The following EFCAB6 variants were observed in gnomAD, a reference collection of about 807,000 sequenced individuals.
EFCAB6 encodes the protein EF-hand calcium binding domain 6.
EFCAB6 carries 156 observed loss-of-function variants against 169.8 expected under a neutral mutation model. The ratio of observed to expected loss-of-function variants is 0.92; its 90% confidence interval spans 0.81 to 1.05. The LOEUF is 1.05. Among genes scored for constraint, EFCAB6 ranks in the 50% least tolerant of loss-of-function variants. EFCAB6 has a pLI of 0.00. For synonymous variants in EFCAB6, 698 were observed against 676.4 expected, an observed-to-expected ratio of 1.03 and a Z score of -0.50; for missense variants, 1,800 against 1,829.1, an observed-to-expected ratio of 0.98 and a Z score of 0.29.
Position 43,600,164 on chromosome 22 carries a change from A to G in EFCAB6, c.2781T>C (p.Asp927=), listed in dbSNP as rs2052385585. Residue 927 remains aspartate, a synonymous_variant, in exon 23 of 32, where the codon GAT becomes GAC. Transcript: ENST00000262726. ...SPAVHRPCAE[D]YFNFMGHFTK... ...TAAAATGACCCATGAAGTTGAAATA[A>G]TCCTCTGCACAGGGCCGATGGACAG... 3 of 1,613,984 alleles carry G rather than the reference A, an allele frequency of 1.9e-6. No individual in the cohort carries two copies. The highest frequency in any genetic ancestry group is 2.7e-5 in the African/African-American group (2 of 74,884).
rs116127030 is a variant in EFCAB6, at chr22:43,591,693, C to T, written c.2877-1464G>A. Among the ~76,000 whole-genome samples the T allele has an allele frequency of 9.0e-3, 1,365 of 152,274 alleles. 10 individuals carry two copies. The highest frequency in any genetic ancestry group is 0.037 in the Middle Eastern group (11 of 294). On this transcript the variant is annotated intron_variant, in intron 23 of 31. Coordinates refer to ENST00000262726, the MANE Select transcript of EFCAB6 (RefSeq NM_022785.4). ...ACACTCACAGTGAGGGAGACAGAGA[C>T]AGCATCTTTCTGTCGCTCCCAGCTT...
intron 21 of EFCAB6, among the ~76,000 whole-genome samples, chr22:43,614,357 C>A (rs1358582552): frequency 6.6e-6 from 1 of 151,984 alleles, no homozygotes; most frequent in Non-Finnish European, 1.5e-5. Context: ...GACAAAGGGG[C>A]AAAGGCAACT....
intron 27 of EFCAB6, among the ~76,000 whole-genome samples, chr22:43,544,361 C>T (rs552662206): frequency 1.5e-3 from 229 of 152,340 alleles, no homozygotes; most frequent in Non-Finnish European, 2.5e-3. Context: ...CACCCCTCCT[C>T]GTGTCTCTGG....
chr22:43,584,276 C>T (rs576448382), intron 24 of EFCAB6, among the ~76,000 whole-genome samples: 34 of 152,294 alleles, frequency 2.2e-4, no homozygotes, highest in African/African-American at 7.9e-4. Context: ...GAGACAGGCA[C>T]ATGCAGAGAA....
intron 10 of EFCAB6, among the ~76,000 whole-genome samples, chr22:43,702,007 TG>T (rs35286719): frequency 6.6e-6 from 1 of 151,862 alleles, no homozygotes; most frequent in South Asian, 2.1e-4. Flanking sequence ...AATTAACCAA[TG>T]GGGGGGATGT....
chr22:43,553,214 T>C (rs2048488576), intron 27 of EFCAB6: 1 of 152,170 alleles, frequency 6.6e-6, no homozygotes, highest in African/African-American at 2.4e-5. Context: ...TGGCCCAGTT[T>C]TGGAGGCGAA....
intron 19 of EFCAB6, among the ~76,000 whole-genome samples, chr22:43,629,971 T>C (rs1451768694): frequency 2.6e-5 from 4 of 152,138 alleles, no homozygotes; most frequent in Non-Finnish European, 4.4e-5. Flanking sequence ...GTGACCCTAT[T>C]TGTGGGTTGA....
chr22:43,558,889 A>G lies in EFCAB6; in HGVS notation c.3421-3793T>C, dbSNP rs192904653. ...ATTTTATTGCGATATTTGCTTTGCT[A>G]CGGTCTGGAACCAAACCTGCAAAGT... On this transcript the variant is annotated intron_variant, in intron 26 of 31. Transcript: ENST00000262726. Among the ~76,000 whole-genome samples, 792 of 152,358 alleles carry G rather than the reference A, an allele frequency of 5.2e-3. 4 individuals carry two copies. The highest frequency in any genetic ancestry group is 0.041 in the Middle Eastern group (12 of 294).
At chr22:43,539,998 C>G in intron 28 of EFCAB6, 129 bp downstream of exon 28, 5 of 984,160 alleles carry the variant, frequency 5.1e-6, no homozygotes, top group Non-Finnish European at 7.5e-6. Context: ...CATGTGCCCC[C>G]ACCCCAGACT....
intron 6 of EFCAB6, among the ~76,000 whole-genome samples, chr22:43,746,025 T>C (rs1378006072): frequency 2.0e-5 from 3 of 152,208 alleles, no homozygotes; most frequent in Non-Finnish European, 4.4e-5. Context: ...ACCGTGAACA[T>C]TTCCTATTTA....
In EFCAB6 at chr22:43,759,411, A is replaced by G. The variant is rs953850547; in HGVS notation, c.441-3579T>C. 26 of 152,340 alleles carry G rather than the reference A, an allele frequency of 1.7e-4. No individual in the cohort carries two copies. The East Asian group carries it at 5.0e-3, about 29-fold the overall frequency. The allele number at this position is 152,340 out of a possible 1,614,324, so 9.4% of individuals were successfully genotyped here. A position where few individuals can be genotyped will look rare whatever the true frequency, so the allele number is the denominator to read the frequency against. ...GAGATTTATAATGACCGTTTTGTACACGAACGATTGTAGTTATTCTTCATG... is the reference window on the plus strand; with the variant it reads ...GAGATTTATAATGACCGTTTTGTACGCGAACGATTGTAGTTATTCTTCATG... On this transcript the variant is annotated intron_variant, in intron 5 of 31. Transcript: ENST00000262726.
intron 8 of EFCAB6, among the ~76,000 whole-genome samples, chr22:43,726,246 A>G (rs185453051): frequency 6.6e-6 from 1 of 151,528 alleles, no homozygotes; most frequent in Non-Finnish European, 1.5e-5. Flanking sequence ...ACCTAAAGAA[A>G]TAAGCAGAAG....
chr22:43,574,985 G>A (rs867935362), intron 26 of EFCAB6, among the ~76,000 whole-genome samples: 94 of 152,216 alleles, frequency 6.2e-4, no homozygotes, highest in Middle Eastern at 3.4e-3. Context: ...ACATGGACCC[G>A]CCCTCCCATC....
Position 43,554,973 on chromosome 22 carries a change from T to C in EFCAB6, c.3544A>G (p.Thr1182Ala), listed in dbSNP as rs34955597. 1.9e-6 allele frequency: 3 copies of C among 1,613,962 alleles called. No individual in the cohort carries two copies. The highest frequency in any genetic ancestry group is 2.7e-5 in the African/African-American group (2 of 74,900). Residue 1182 changes from threonine to alanine, a missense_variant, in exon 27 of 32, where the codon ACC becomes GCC. Coordinates refer to ENST00000262726, the MANE Select transcript of EFCAB6 (RefSeq NM_022785.4). ...GTGTCAAAATTCTCAAACTCCTGGG[T>C]GATGGCATGGTAATGGGAAGTCACT... ...KAVTSHYHAI[T>A]QEFENFDTMK...
chr22:43,530,973 A>G lies in EFCAB6; in HGVS notation c.4234-9T>C. On this transcript the variant is annotated splice_polypyrimidine_tract_variant and intron_variant, in intron 30 of 31. Transcript: ENST00000262726. ...TCCGCGCCGGCTTCTTTCTAGACAC[A>G]AGACAAGAAGGGGTGAGGAGGGAGC... 1 of 1,613,180 alleles carries G rather than the reference A, an allele frequency of 6.2e-7. No individual in the cohort carries two copies. The highest frequency in any genetic ancestry group is 8.5e-7 in the Non-Finnish European group (1 of 1,179,682).
chr22:43,798,994 C>G (rs1393558078), intron 2 of EFCAB6, among the ~76,000 whole-genome samples: 1 of 152,128 alleles, frequency 6.6e-6, no homozygotes, highest in Non-Finnish European at 1.5e-5. Flanking sequence ...TACCTTTCTA[C>G]AGCACAGGCA....
intron 8 of EFCAB6, among the ~76,000 whole-genome samples, chr22:43,722,529 C>CAAA (rs71188408): frequency 5.4e-4 from 75 of 139,028 alleles, no homozygotes; most frequent in East Asian, 4.0e-3. Flanking sequence ...GACTGCATCT[C>CAAA]AAAAAAAAAA....
At chr22:43,766,190 A>G (rs2061322297) in intron 4 of EFCAB6, among the ~76,000 whole-genome samples, 1 of 151,712 alleles carries the variant, frequency 6.6e-6, no homozygotes, top group African/African-American at 2.4e-5. Flanking sequence ...CACACATCAC[A>G]CCCAGCTAAT....
intron 20 of EFCAB6, among the ~76,000 whole-genome samples, chr22:43,621,528 C>T (rs2054114511): frequency 6.6e-6 from 1 of 152,000 alleles, no homozygotes; most frequent in Non-Finnish European, 1.5e-5. Context: ...TACAACATAT[C>T]CAAATTTGTG....
Sources: allele counts gnomAD v4.1 joint callset (sites outside exome capture counted in the v4.1 genomes callset), GRCh38; gene constraint gnomAD v4.1.1; transcripts MANE v1.5; gene names NCBI Gene and HGNC (gene_info 2026-07-23, HGNC 2026-07-21).